CYFIP1: variants seen among roughly 807,000 people sequenced by gnomAD.
CYFIP1 encodes cytoplasmic FMR1 interacting protein 1.
A neutral mutation model predicts 163.5 loss-of-function variants in CYFIP1; 58 were observed. That is an observed-to-expected ratio of 0.35 (90% CI 0.29 to 0.44). CYFIP1 has a LOEUF of 0.44. Ranked by LOEUF, CYFIP1 falls within the 20% of genes least tolerant of loss-of-function variation. The pLI, the probability that CYFIP1 is intolerant of heterozygous loss-of-function variation, is 1.00. For missense variants in CYFIP1, 1,338 were observed against 1,653.8 expected (o/e 0.81, Z 3.31); for synonymous variants, 663 against 660.7 (o/e 1.00, Z -0.05).
intron 23 of CYFIP1, among the ~76,000 whole-genome samples, chr15:22,884,596 C>T: frequency 6.6e-6 from 1 of 152,282 alleles, no homozygotes; most frequent in East Asian, 1.9e-4. Flanking sequence ...CATTGAGTGT[C>T]TGTGGCTTTT....
At chr15:22,899,562 C>T (rs4778469) in intron 22 of CYFIP1, among the ~76,000 whole-genome samples, 3 of 151,936 alleles carry the variant, frequency 2.0e-5, no homozygotes, top group South Asian at 2.1e-4. Flanking sequence ...AGCTCTCTCT[C>T]GTCTGCTGCC....
At chr15:22,904,163 G>A in intron 21 of CYFIP1, 6 of 557,432 alleles carry the variant, frequency 1.1e-5, no homozygotes, top group East Asian at 6.2e-5. Flanking sequence ...CACCCTGTGG[G>A]GCAGCGTGCA....
intron 6 of CYFIP1, among the ~76,000 whole-genome samples, 155 bp downstream of exon 6, chr15:22,943,018 A>C (rs933488750): frequency 1.3e-5 from 2 of 152,082 alleles, no homozygotes; most frequent in African/African-American, 4.8e-5. Context: ...TATCCCTCGA[A>C]GCAGGTGCTC....
intron 1 of CYFIP1, among the ~76,000 whole-genome samples, chr15:22,960,897 C>T (rs541988127): frequency 6.6e-6 from 1 of 152,328 alleles, no homozygotes; most frequent in African/African-American, 2.4e-5. Flanking sequence ...CGGGGGCCCA[C>T]GAACAAGGTG....
intron 13 of CYFIP1, among the ~76,000 whole-genome samples, chr15:22,925,544 G>A (rs1192879931): frequency 2.6e-5 from 4 of 152,194 alleles, no homozygotes; most frequent in African/African-American, 4.8e-5. Context: ...CTGAGAGTAT[G>A]CAAAGATTTC....
At chr15:22,964,349 T>TCTCACACACACACACA (rs1389844730) in intron 1 of CYFIP1, among the ~76,000 whole-genome samples, 1 of 39,560 alleles carries the variant, frequency 2.5e-5, no homozygotes, top group African/African-American at 9.2e-5. Context: ...CGCAACCTCA[T>TCTCACACACACACACA]CACTCACACA....
chr15:22,912,105 C>T (rs188549415), intron 18 of CYFIP1, 74 bp downstream of exon 18: 7 of 1,340,522 alleles, frequency 5.2e-6, no homozygotes, highest in Admixed American at 4.3e-5. Context: ...AAGTTGAATA[C>T]TTGGGAGAAA....
rs772045891 is a variant in CYFIP1 at position 22,908,710 on chromosome 15, G to A, written c.2388+484C>T. On this transcript the variant is annotated intron_variant, in intron 21 of 30. Transcript: ENST00000617928. Reference sequence around the variant, plus strand: ...CGCCCGCCTAATTTTTGTAGTTTTAGTGGAGATGGGGTTTCACTATGTTGG... The same window carrying A: ...CGCCCGCCTAATTTTTGTAGTTTTAATGGAGATGGGGTTTCACTATGTTGG... Among the ~76,000 whole-genome samples the A allele has an allele frequency of 1.1e-4, 17 of 151,486 alleles. 1 individual carries two copies. The highest frequency in any genetic ancestry group is 2.4e-4 in the Non-Finnish European group (16 of 67,900).
chr15:22,870,128 ATGG>A lies in CYFIP1; in HGVS notation c.3659_3661del (p.Thr1220del), dbSNP rs773597997. On this transcript the variant is annotated inframe_deletion, in exon 31 of 31. Transcript: ENST00000617928. ...GCCTGACTTCAGGTACTTATCCAGG[ATGG>A]TGATGATCTCATCATTGAGAATCTG... 3 of 1,613,030 alleles carry A rather than the reference ATGG, an allele frequency of 1.9e-6. No homozygotes were observed. The highest frequency in any genetic ancestry group is 2.5e-6 in the Non-Finnish European group (3 of 1,179,618).
chr15:22,906,869 G>A (rs2060604793), intron 21 of CYFIP1, among the ~76,000 whole-genome samples: 4 of 152,168 alleles, frequency 2.6e-5, no homozygotes, highest in Non-Finnish European at 5.9e-5. Flanking sequence ...TGTCTGTAGG[G>A]ACACTGCTGT....
intron 15 of CYFIP1, 199 bp from the exon 16 acceptor site, chr15:22,916,829 G>A (rs532499747): frequency 2.4e-5 from 38 of 1,556,436 alleles, no homozygotes; most frequent in Admixed American, 1.9e-4. Flanking sequence ...AACTTGTAGC[G>A]GAGCAGTTCG....
intron 25 of CYFIP1, among the ~76,000 whole-genome samples, chr15:22,880,754 GC>G (rs953871770): frequency 6.6e-6 from 1 of 152,140 alleles, no homozygotes; most frequent in Non-Finnish European, 1.5e-5. Flanking sequence ...TTGCCCGAGT[GC>G]CCCTTCCCCA....
intron 14 of CYFIP1, 147 bp downstream of exon 14, chr15:22,918,545 T>C: frequency 1.4e-6 from 1 of 715,176 alleles, no homozygotes; most frequent in South Asian, 2.3e-5. Flanking sequence ...TGCATTACTT[T>C]TAGAGGTAAT....
chr15:22,903,408 C>T (rs1191568971), intron 22 of CYFIP1, among the ~76,000 whole-genome samples: 2 of 152,186 alleles, frequency 1.3e-5, no homozygotes, highest in Non-Finnish European at 2.9e-5. Flanking sequence ...CTCCAACATG[C>T]CAGCACGGAA....
In CYFIP1 at chr15:22,903,963, C is replaced by A. The variant is rs750078416; in HGVS notation, c.2389-58G>T. 7 of 1,528,050 alleles carry A rather than the reference C, an allele frequency of 4.6e-6. No homozygotes were observed. In the African/African-American group the frequency reaches 9.6e-5, roughly 21 times the overall value. 94.7% of individuals were successfully genotyped at this position (1,528,050 alleles called of 1,614,324 possible). ...GCTGGTCCAGGCAGGAAGGAGGCGC[C>A]GAGTGGCCTCTGATCCCACCCAGGC... On this transcript the variant is annotated intron_variant, in intron 21 of 30. Transcript: ENST00000617928.
chr15:22,937,896 G>C (rs1733956796), intron 8 of CYFIP1, among the ~76,000 whole-genome samples: 1 of 152,128 alleles, frequency 6.6e-6, no homozygotes, highest in South Asian at 2.1e-4. Context: ...GAGCCACCGT[G>C]CCCAGTCACA....
chr15:22,916,321 G>A (rs1047020932), intron 16 of CYFIP1, among the ~76,000 whole-genome samples, 156 bp downstream of exon 16: 71 of 152,216 alleles, frequency 4.7e-4, no homozygotes, highest in Non-Finnish European at 8.7e-4. Flanking sequence ...GCTCAGGCCA[G>A]GGACGTACAG....
chr15:22,946,860 T>C (rs2062080239), intron 3 of CYFIP1, 143 bp downstream of exon 3: 1 of 770,388 alleles, frequency 1.3e-6, no homozygotes, highest in Non-Finnish European at 2.3e-6. Context: ...GCAAAGACTG[T>C]CTTAAAAATA....
rs1332377363 is a variant in CYFIP1 at position 22,875,206 on chromosome 15, A to G, written c.3108T>C (p.His1036=). The change falls in exon 27 of 31, where the codon CAT becomes CAC. Residue 1036 remains histidine, a synonymous_variant. Coordinates refer to ENST00000617928, the MANE Select transcript of CYFIP1 (RefSeq NM_014608.6). ...APFQNILPRV[H]VKEGERLDAK... ...GGGGGTCAGCAGGCTCACCTTTCAC[A>G]TGGACTCGCGGCAAGATGTTCTGGA... is the stretch of plus-strand genomic sequence containing the variant. 1 of 1,613,880 alleles carries G rather than the reference A, an allele frequency of 6.2e-7. No individual in the cohort carries two copies. The highest frequency in any genetic ancestry group is 2.2e-5 in the East Asian group (1 of 44,876).
Sources: allele counts gnomAD v4.1 joint callset (sites outside exome capture counted in the v4.1 genomes callset), GRCh38; gene constraint gnomAD v4.1.1; transcripts MANE v1.5; gene names NCBI Gene and HGNC (gene_info 2026-07-23, HGNC 2026-07-21).